LIN54: variants seen among roughly 807,000 people sequenced by gnomAD.
LIN54 encodes the protein lin-54 DREAM MuvB core complex component, also known as protein lin-54 homolog.
LIN54 carries 9 observed loss-of-function variants against 78.7 expected under a neutral mutation model. The observed-to-expected ratio is 0.11, with a 90% confidence interval of 0.07 to 0.20. The LOEUF (loss-of-function observed/expected upper bound fraction) is 0.20, where lower values mean the gene tolerates loss of function less well. Among genes scored for constraint, LIN54 ranks in the 10% least tolerant of loss-of-function variants. The pLI is 1.00. For missense variants in LIN54, 573 were observed against 889.9 expected, an observed-to-expected ratio of 0.64 and a Z score of 4.53; for synonymous variants, 269 against 318.4, an observed-to-expected ratio of 0.84 and a Z score of 1.65.
chr4:82,995,300 TG>T (rs1440622118), intron 1 of LIN54, among the ~76,000 whole-genome samples: 2 of 151,400 alleles, frequency 1.3e-5, no homozygotes, highest in Non-Finnish European at 2.9e-5. Flanking sequence ...ATCCTGTCTC[TG>T]GGGGGAAAAA....
chr4:82,929,305 ATT>A (rs1721752028), intron 12 of LIN54, among the ~76,000 whole-genome samples: 1 of 152,094 alleles, frequency 6.6e-6, no homozygotes, highest in South Asian at 2.1e-4. Flanking sequence ...TTGTTTTCAT[ATT>A]GTTAACATCT....
In LIN54 at chr4:82,937,217, A is replaced by C. The variant is rs1315013037; in HGVS notation, c.1604+10T>G. The C allele has an allele frequency of 8.0e-7, 1 of 1,244,452 alleles. No homozygotes were observed. Among genetic ancestry groups the C allele is most frequent in the African/African-American group, 1.5e-5 (1 of 67,898 alleles). The allele number at this position is 1,244,452 out of a possible 1,614,324, so 77.1% of individuals were successfully genotyped here. A position where few individuals can be genotyped will look rare whatever the true frequency, so the allele number is the denominator to read the frequency against. On this transcript the variant is annotated intron_variant, in intron 9 of 12. Coordinates refer to ENST00000340417, the MANE Select transcript of LIN54 (RefSeq NM_194282.4). ...ACATTAAATAAGCAAACAGTTGCAA[A>C]AACACTTACAATTTCAAACACAGTG...
intron 1 of LIN54, among the ~76,000 whole-genome samples, chr4:82,999,889 G>T (rs1397297173): frequency 9.9e-5 from 15 of 151,636 alleles, no homozygotes. Context: ...GCCCAAACAG[G>T]TTTTTTGTTT....
At chr4:83,004,595 T>G (rs985149830) in intron 1 of LIN54, among the ~76,000 whole-genome samples, 1 of 152,076 alleles carries the variant, frequency 6.6e-6, no homozygotes, top group Admixed American at 6.6e-5. Context: ...GCTCAAGTGA[T>G]CCTCCCACCT....
At chr4:82,942,879 C>A (rs1315074051) in intron 5 of LIN54, among the ~76,000 whole-genome samples, 1 of 151,796 alleles carries the variant, frequency 6.6e-6, no homozygotes, top group Admixed American at 6.6e-5. Context: ...CACACACACA[C>A]ACACACACAC....
chr4:83,001,857 AAAAGGAT>A (rs1728810631), intron 1 of LIN54, among the ~76,000 whole-genome samples: 1 of 5,134 alleles, frequency 1.9e-4, no homozygotes, highest in African/African-American at 2.8e-4. Flanking sequence ...CAAAAAAAAA[AAAAGGAT>A]AGGAAGGAAG....
chr4:82,984,101 G>T, intron 2 of LIN54, 60 bp downstream of exon 2: 1 of 1,161,224 alleles, frequency 8.6e-7, no homozygotes, highest in South Asian at 1.5e-5. Context: ...ACACAACTAT[G>T]AATCAGTTAA....
intron 5 of LIN54, among the ~76,000 whole-genome samples, chr4:82,945,629 G>A (rs371512826): frequency 6.6e-6 from 1 of 151,974 alleles, no homozygotes; most frequent in Non-Finnish European, 1.5e-5. Context: ...AAGTAGCTGG[G>A]ACTACAGGCA....
At chr4:82,964,975 G>A (rs111851837) in intron 4 of LIN54, among the ~76,000 whole-genome samples, 2,444 of 152,220 alleles carry the variant, frequency 0.016, 71 homozygotes, top group African/African-American at 0.055. Context: ...TCCAGCATGG[G>A]CAACAGAGGT....
At chr4:82,973,443 C>A (rs1177364671) in intron 3 of LIN54, among the ~76,000 whole-genome samples, 1 of 152,140 alleles carries the variant, frequency 6.6e-6, no homozygotes, top group Non-Finnish European at 1.5e-5. Context: ...CCCTATTTAT[C>A]CTTAGTTCCA....
At chr4:82,973,322 T>A (rs187355895) in intron 3 of LIN54, among the ~76,000 whole-genome samples, 64 of 152,312 alleles carry the variant, frequency 4.2e-4, no homozygotes, top group African/African-American at 1.4e-3. Context: ...CTAGATTTCA[T>A]CAATTTTCCC....
chr4:83,012,344 T>C (rs562802599), upstream of LIN54, among the ~76,000 whole-genome samples: 46 of 152,070 alleles, frequency 3.0e-4, no homozygotes, highest in Non-Finnish European at 1.6e-4. Flanking sequence ...CAAAGGGGCA[T>C]AGGAAGAACG....
intron 5 of LIN54, among the ~76,000 whole-genome samples, chr4:82,945,664 T>C (rs1294038593): frequency 6.6e-6 from 1 of 152,034 alleles, no homozygotes; most frequent in African/African-American, 2.4e-5. Flanking sequence ...CGGCTAATTT[T>C]TGTATTTTTA....
intron 11 of LIN54, among the ~76,000 whole-genome samples, chr4:82,934,393 G>A (rs1200848985): frequency 1.3e-5 from 2 of 152,094 alleles, no homozygotes; most frequent in African/African-American, 4.8e-5. Flanking sequence ...GCGACAGGGC[G>A]AGACTCCGTC....
intron 1 of LIN54, among the ~76,000 whole-genome samples, chr4:82,998,059 T>C (rs951067096): frequency 3.0e-5 from 4 of 134,788 alleles, no homozygotes; most frequent in African/African-American, 1.1e-4. Flanking sequence ...TATATATATA[T>C]ACACGTATAT....
intron 1 of LIN54, among the ~76,000 whole-genome samples, chr4:82,985,457 A>G (rs1409044949): frequency 6.6e-6 from 1 of 152,182 alleles, no homozygotes; most frequent in African/African-American, 2.4e-5. Flanking sequence ...TTTGTGGTAC[A>G]ACTTTGACCA....
chr4:82,936,180 CA>C (rs1452091220), intron 10 of LIN54, 62 bp from the exon 11 acceptor site: 2 of 1,586,454 alleles, frequency 1.3e-6, no homozygotes, highest in East Asian at 4.5e-5. Context: ...TTAAACACTG[CA>C]AAAGGAATTG....
intron 11 of LIN54, among the ~76,000 whole-genome samples, chr4:82,934,162 T>C (rs560653439): frequency 1.9e-3 from 285 of 152,244 alleles, no homozygotes; most frequent in Non-Finnish European, 2.1e-3. Flanking sequence ...CCCAACATTT[T>C]GGGAGGCTGA....
At chr4:82,965,729 G>C (rs987174387) in intron 4 of LIN54, among the ~76,000 whole-genome samples, 1 of 152,134 alleles carries the variant, frequency 6.6e-6, no homozygotes, top group Non-Finnish European at 1.5e-5. Context: ...GATTAGATGC[G>C]GGAGATGAAA....
Sources: allele counts gnomAD v4.1 joint callset (sites outside exome capture counted in the v4.1 genomes callset), GRCh38; gene constraint gnomAD v4.1.1; transcripts MANE v1.5; gene names NCBI Gene and HGNC (gene_info 2026-07-23, HGNC 2026-07-21).